TTC13: variants seen among roughly 807,000 people sequenced by gnomAD.
The protein encoded by TTC13 is tetratricopeptide repeat protein 13.
In TTC13, 62 loss-of-function variants were observed where a neutral mutation model predicts 120.0. That is an observed-to-expected ratio of 0.52 (90% CI 0.42 to 0.64). The LOEUF is 0.64. TTC13 is among the 30% of genes least tolerant of loss of function. The pLI is 0.00. For missense variants in TTC13, 824 were observed against 1,050.2 expected, an observed-to-expected ratio of 0.78 and a Z score of 2.98; for synonymous variants, 384 against 393.5, an observed-to-expected ratio of 0.98 and a Z score of 0.28.
At chr1:230,964,904 C>T (rs1676985136) in intron 1 of TTC13, among the ~76,000 whole-genome samples, 1 of 152,142 alleles carries the variant, frequency 6.6e-6, no homozygotes. Flanking sequence ...ATAAATGGTG[C>T]TGGGAAAACT....
At chr1:230,939,295 T>C (rs556451045) in intron 8 of TTC13, 91 bp downstream of exon 8, 2 of 643,460 alleles carry the variant, frequency 3.1e-6, no homozygotes, top group East Asian at 2.8e-5. Flanking sequence ...CAATAAATAA[T>C]AAATACCAGC....
At chr1:230,914,288 C>T (rs1217807437) in intron 18 of TTC13, among the ~76,000 whole-genome samples, 1 of 152,180 alleles carries the variant, frequency 6.6e-6, no homozygotes, top group Admixed American at 6.5e-5. Context: ...ACCAACCCCT[C>T]CGTATCCTCC....
At position 230,931,643 on chromosome 1, in the gene TTC13, T is replaced by C; in HGVS notation, c.1125+93A>G. On this transcript the variant is annotated intron_variant, in intron 10 of 22. Coordinates refer to ENST00000366661, the MANE Select transcript of TTC13 (RefSeq NM_024525.5). Reference sequence around the variant, plus strand: ...TCTTTTTGTTGGAGTAGAAACACTATTCTCAGTCCCCCTTCTCTATTCATT... The same window carrying C: ...TCTTTTTGTTGGAGTAGAAACACTACTCTCAGTCCCCCTTCTCTATTCATT... The C allele has an allele frequency of 3.3e-6, 5 of 1,507,786 alleles. No homozygotes were observed. The South Asian group carries it at 3.8e-5, about 11-fold the overall frequency. 93.4% of individuals were successfully genotyped at this position (1,507,786 alleles called of 1,614,324 possible).
At chr1:230,976,443 G>A (rs1678316728) in intron 1 of TTC13, among the ~76,000 whole-genome samples, 1 of 152,186 alleles carries the variant, frequency 6.6e-6, no homozygotes, top group African/African-American at 2.4e-5. Flanking sequence ...TATTTCAGTA[G>A]CCCCTACAAC....
At chr1:230,947,955 C>T (rs997462819) in intron 4 of TTC13, among the ~76,000 whole-genome samples, 1 of 152,160 alleles carries the variant, frequency 6.6e-6, no homozygotes, top group African/African-American at 2.4e-5. Context: ...AGCATCCTCC[C>T]ACCCACTCCA....
At chr1:230,949,017 CTG>C (rs1675277413) in intron 4 of TTC13, among the ~76,000 whole-genome samples, 1 of 152,134 alleles carries the variant, frequency 6.6e-6, no homozygotes, top group South Asian at 2.1e-4. Context: ...TTTATTCCCA[CTG>C]TTCACTGTAT....
chr1:230,963,745 G>C (rs975719828), intron 1 of TTC13, among the ~76,000 whole-genome samples: 1 of 152,102 alleles, frequency 6.6e-6, no homozygotes, highest in African/African-American at 2.4e-5. Flanking sequence ...GACGATGAGT[G>C]GTACACGCAA....
chr1:230,942,720 T>A lies in TTC13; in HGVS notation c.672+1086A>T, dbSNP rs1384576720. The stretch of plus-strand genomic sequence containing the variant: ...AGAAAGTAAAACAAACACATTTCAC[T>A]TAAAAACATAAAACAGAATGCCTTT... On this transcript the variant is annotated intron_variant, in intron 6 of 22. Transcript: ENST00000366661. This position sits in a 1 kb window ranked among gnomAD's most constrained non-coding sequence, Gnocchi z 4.0. Among the ~76,000 whole-genome samples, 1 of 152,168 alleles carries A rather than the reference T, an allele frequency of 6.6e-6. No individual in the cohort carries two copies.
At chr1:230,918,039 G>C (rs1236124788) in intron 17 of TTC13, among the ~76,000 whole-genome samples, 2 of 152,222 alleles carry the variant, frequency 1.3e-5, no homozygotes, top group Non-Finnish European at 1.5e-5. Flanking sequence ...CCACAGTACA[G>C]GGGATTGTCA....
In TTC13 at chr1:230,942,765, C is replaced by T. The variant is rs1040165096; in HGVS notation, c.672+1041G>A. Among the ~76,000 whole-genome samples, 13 of 152,294 alleles carry T rather than the reference C, an allele frequency of 8.5e-5. No homozygotes were observed. The highest frequency in any genetic ancestry group is 1.3e-4 in the Non-Finnish European group (9 of 68,016). ...GCCTTTGTACAGACTCTCTTCCCTG[C>T]GCTGAACACTCTCCTCCATCTTGTC... is the stretch of plus-strand genomic sequence containing the variant. On this transcript the variant is annotated intron_variant, in intron 6 of 22. Transcript: ENST00000366661. The surrounding 1 kb of genome is among the most constrained non-coding windows in gnomAD (Gnocchi z 4.0).
At chr1:230,973,282 G>A (rs1677946878) in intron 1 of TTC13, among the ~76,000 whole-genome samples, 1 of 152,132 alleles carries the variant, frequency 6.6e-6, no homozygotes, top group African/African-American at 2.4e-5. Flanking sequence ...CAAAAAGACT[G>A]ACTTCATGTA....
At chr1:230,971,411 G>T (rs114087075) in intron 1 of TTC13, among the ~76,000 whole-genome samples, 45 of 148,714 alleles carry the variant, frequency 3.0e-4, no homozygotes, top group African/African-American at 1.1e-3. Flanking sequence ...CAATGGCCCC[G>T]AAATATGGTC....
Position 230,940,072 on chromosome 1 carries a change from A to G in TTC13, c.789+368T>C, listed in dbSNP as rs928008864. On this transcript the variant is annotated intron_variant, in intron 7 of 22. Transcript: ENST00000366661. The surrounding 1 kb of genome is among the most constrained non-coding windows in gnomAD (Gnocchi z 4.1). ...TGTGTTTCTTGGGCTGTGAAACCCA[A>G]AGAAATTCAAATTGTACCGCTAAGT... Among the ~76,000 whole-genome samples the G allele has an allele frequency of 6.6e-6, 1 of 152,200 alleles. No homozygotes were observed. Among genetic ancestry groups the G allele is most frequent in the Non-Finnish European group, 1.5e-5 (1 of 68,034 alleles).
In TTC13 at chr1:230,907,021, TGAAAAA is replaced by T; in HGVS notation, c.2469-8_2469-3del. On this transcript the variant is annotated splice_region_variant and splice_polypyrimidine_tract_variant and intron_variant, in intron 22 of 22. Transcript: ENST00000366661. ...AGAGTCTTATAAGAAGGTGAAATAC[TGAAAAA>T]GAAAAACACAAAGTAGCGGCATGAA... 1 of 1,462,904 alleles carries T rather than the reference TGAAAAA, an allele frequency of 6.8e-7. No individual in the cohort carries two copies. Among genetic ancestry groups the T allele is most frequent in the East Asian group, 2.6e-5 (1 of 38,820 alleles). 90.6% of individuals were successfully genotyped at this position (1,462,904 alleles called of 1,614,324 possible).
chr1:230,937,167 T>G (rs1674142510), intron 8 of TTC13, among the ~76,000 whole-genome samples: 1 of 152,220 alleles, frequency 6.6e-6, no homozygotes, highest in Non-Finnish European at 1.5e-5. Flanking sequence ...CAAATCAAAC[T>G]GAATTTCAGT....
At chr1:230,973,927 A>T (rs1394632842) in intron 1 of TTC13, among the ~76,000 whole-genome samples, 2 of 152,078 alleles carry the variant, frequency 1.3e-5, no homozygotes, top group Admixed American at 1.3e-4. Context: ...AATACAAAAA[A>T]TTAGTCAGGC....
chr1:230,911,627 G>T, intron 19 of TTC13, 78 bp from the exon 20 acceptor site: 2 of 848,886 alleles, frequency 2.4e-6, no homozygotes, highest in Non-Finnish European at 3.5e-6. Flanking sequence ...GAACACACAA[G>T]AATAATCTAC....
chr1:230,957,679 C>G (rs185148753), intron 3 of TTC13, among the ~76,000 whole-genome samples: 35 of 152,180 alleles, frequency 2.3e-4, no homozygotes, highest in African/African-American at 7.7e-4. Flanking sequence ...GGAAACACAC[C>G]CAGTGCATAT....
rs1022787364 is a variant in TTC13, at chr1:230,969,215, T to C, written c.272-7912A>G. On this transcript the variant is annotated intron_variant, in intron 1 of 22. Coordinates refer to ENST00000366661, the MANE Select transcript of TTC13 (RefSeq NM_024525.5). Reference sequence around the variant, plus strand: ...AGGCGAAGCTTGCAGTGAGCCGAGATTGCGCCACTGCACTCCAGCCTGGGT... The same window carrying C: ...AGGCGAAGCTTGCAGTGAGCCGAGACTGCGCCACTGCACTCCAGCCTGGGT... Among the ~76,000 whole-genome samples, 7 of 152,120 alleles carry C rather than the reference T, an allele frequency of 4.6e-5. No homozygotes were observed. The South Asian group carries it at 1.0e-3, about 23-fold the overall frequency.
Sources: gnomAD v4.1 joint callset for allele counts (sites outside exome capture counted in the v4.1 genomes callset) on GRCh38, gnomAD v4.1.1 for gene constraint, Gnocchi (gnomAD v3.1) non-coding constraint, MANE v1.5 for transcripts, NCBI Gene and HGNC (gene_info 2026-07-23, HGNC 2026-07-21) for gene names.